The following KIF26B variants were observed in gnomAD, a reference collection of about 807,000 sequenced individuals.
KIF26B encodes the protein kinesin-like protein KIF26B.
In KIF26B, 63 loss-of-function variants were observed where a neutral mutation model predicts 151.2. The observed-to-expected ratio is 0.42, with a 90% CI of 0.34 to 0.51. KIF26B has a LOEUF of 0.51. KIF26B is among the 20% of genes least tolerant of loss of function. KIF26B has a pLI of 0.07. For missense variants in KIF26B, 2,813 were observed against 2,913.6 expected (o/e 0.97, Z 0.79); for synonymous variants, 1,357 against 1,262.1 (o/e 1.08, Z -1.59).
chr1:245,635,345 C>T (rs1715808), intron 9 of KIF26B, among the ~76,000 whole-genome samples: 110,172 of 151,826 alleles, frequency 0.73, 40,013 homozygotes, highest in East Asian at 0.89. Flanking sequence ...TATCTATTAC[C>T]TCTTGAAAGA....
intron 3 of KIF26B, among the ~76,000 whole-genome samples, chr1:245,409,145 A>G (rs1674213482): frequency 6.6e-6 from 1 of 152,240 alleles, no homozygotes; most frequent in South Asian, 2.1e-4. Context: ...GCATACCTGC[A>G]AGGTGAATTC....
intron 3 of KIF26B, among the ~76,000 whole-genome samples, chr1:245,415,057 C>T (rs1028808872): frequency 6.6e-6 from 1 of 152,196 alleles, no homozygotes; most frequent in Non-Finnish European, 1.5e-5. Context: ...GAAGTGGAAA[C>T]AATAGCCAAC....
intron 2 of KIF26B, among the ~76,000 whole-genome samples, chr1:245,219,604 C>G (rs1005994126): frequency 6.6e-6 from 1 of 152,012 alleles, no homozygotes; most frequent in African/African-American, 2.4e-5. Flanking sequence ...TGTGGTGGCA[C>G]ATGCATGTAG....
At chr1:245,654,245 C>T (rs773558832) in intron 10 of KIF26B, among the ~76,000 whole-genome samples, 1 of 152,060 alleles carries the variant, frequency 6.6e-6, no homozygotes, top group African/African-American at 2.4e-5. Flanking sequence ...ATAAATCTTC[C>T]TTTCAGGACC....
chr1:245,694,121 A>G (rs1183287443), intron 12 of KIF26B, among the ~76,000 whole-genome samples: 1 of 152,210 alleles, frequency 6.6e-6, no homozygotes, highest in East Asian at 1.9e-4. Flanking sequence ...CTCGGCATCG[A>G]GGAGAGCTTT....
intron 2 of KIF26B, among the ~76,000 whole-genome samples, chr1:245,362,402 G>T (rs577472578): frequency 2.6e-5 from 4 of 151,074 alleles, no homozygotes; most frequent in African/African-American, 9.7e-5. Context: ...GCCGGGTGTG[G>T]TTGTGGGCGC....
At chr1:245,403,576 G>A (rs995769208) in intron 3 of KIF26B, among the ~76,000 whole-genome samples, 128 of 152,092 alleles carry the variant, frequency 8.4e-4, no homozygotes, top group African/African-American at 2.7e-4. Context: ...GTGTGTCCAC[G>A]TGCATGCGTG....
chr1:245,446,062 G>T (rs1659242597), intron 4 of KIF26B, among the ~76,000 whole-genome samples: 1 of 152,132 alleles, frequency 6.6e-6, no homozygotes, highest in South Asian at 2.1e-4. Flanking sequence ...TTCTGTCATT[G>T]TGCGAACATC....
intron 10 of KIF26B, among the ~76,000 whole-genome samples, chr1:245,665,931 C>T (rs186431598): frequency 7.7e-4 from 117 of 151,342 alleles, no homozygotes; most frequent in African/African-American, 2.6e-3. Context: ...GTGATCCACC[C>T]GCGGTCAGCC....
At chr1:245,371,113 C>T (rs1420575167) in intron 3 of KIF26B, among the ~76,000 whole-genome samples, 2 of 152,178 alleles carry the variant, frequency 1.3e-5, no homozygotes, top group Non-Finnish European at 2.9e-5. Context: ...TGCTTCTTTC[C>T]AACTCCAGAA....
intron 4 of KIF26B, among the ~76,000 whole-genome samples, chr1:245,461,315 T>C (rs1659639886): frequency 6.6e-6 from 1 of 151,930 alleles, no homozygotes; most frequent in Non-Finnish European, 1.5e-5. Flanking sequence ...TTTTTTTTTT[T>C]CAGGGTCTCT....
At chr1:245,502,037 T>C (rs1278758936) in intron 4 of KIF26B, among the ~76,000 whole-genome samples, 2 of 152,114 alleles carry the variant, frequency 1.3e-5, no homozygotes, top group African/African-American at 4.8e-5. Context: ...AGACCTGTAG[T>C]ATAGGTGGAC....
At chr1:245,275,163 T>A (rs1670917345) in intron 2 of KIF26B, among the ~76,000 whole-genome samples, 1 of 152,216 alleles carries the variant, frequency 6.6e-6, no homozygotes, top group Non-Finnish European at 1.5e-5. Context: ...CTTTGCCCAC[T>A]TTTTGATGGA....
chr1:245,427,331 G>C (rs1426214964), intron 4 of KIF26B, among the ~76,000 whole-genome samples: 2 of 152,222 alleles, frequency 1.3e-5, no homozygotes, highest in Non-Finnish European at 1.5e-5. Flanking sequence ...AAACAGGCCA[G>C]GCGTGGTGGC....
intron 10 of KIF26B, among the ~76,000 whole-genome samples, chr1:245,679,432 G>GT (rs1558266166): frequency 7.1e-6 from 1 of 141,514 alleles, no homozygotes; most frequent in Non-Finnish European, 1.6e-5. Flanking sequence ...AAAATCTGGG[G>GT]GTTTTTTGTG....
chr1:245,435,931 C>A, intron 4 of KIF26B, among the ~76,000 whole-genome samples: 1 of 152,174 alleles, frequency 6.6e-6, no homozygotes. Flanking sequence ...TAAATCTCAG[C>A]ACTTTGGGAG....
At chr1:245,474,573 G>C (rs1449253805) in intron 4 of KIF26B, among the ~76,000 whole-genome samples, 1 of 151,192 alleles carries the variant, frequency 6.6e-6, no homozygotes, top group Non-Finnish European at 1.5e-5. Context: ...CATCATGCCT[G>C]GCTTATTTTT....
intron 4 of KIF26B, among the ~76,000 whole-genome samples, chr1:245,484,399 A>G (rs2103070512): frequency 6.6e-6 from 1 of 151,956 alleles, no homozygotes; most frequent in Admixed American, 6.5e-5. Flanking sequence ...CCTGATTGTG[A>G]GGAGTCAGAC....
At chr1:245,263,542 T>C (rs916698184) in intron 2 of KIF26B, among the ~76,000 whole-genome samples, 2 of 152,236 alleles carry the variant, frequency 1.3e-5, no homozygotes, top group Admixed American at 1.3e-4. Context: ...ATACTTAGTA[T>C]GTGCTAGGAG....
Sources: allele counts gnomAD v4.1 joint callset (sites outside exome capture counted in the v4.1 genomes callset), GRCh38; gene constraint gnomAD v4.1.1; transcripts MANE v1.5; gene names NCBI Gene and HGNC (gene_info 2026-07-23, HGNC 2026-07-21).